The following DGKB variants were observed in gnomAD, a reference collection of about 807,000 sequenced individuals.
The protein encoded by DGKB is diacylglycerol kinase beta, also known as 90 kDa diacylglycerol kinase.
DGKB carries 67 observed loss-of-function variants against 114.3 expected under a neutral mutation model. The observed-to-expected ratio is 0.59, with a 90% CI of 0.48 to 0.72. The LOEUF (loss-of-function observed/expected upper bound fraction) is 0.72. Among genes scored for constraint, DGKB ranks in the 30% least tolerant of loss-of-function variants. The pLI is 0.00. For synonymous variants in DGKB, 398 were observed against 323.1 expected, an observed-to-expected ratio of 1.23 and a Z score of -2.49; for missense variants, 907 against 975.2, an observed-to-expected ratio of 0.93 and a Z score of 0.93.
At chr7:14,672,383 T>C (rs911335562) in intron 13 of DGKB, among the ~76,000 whole-genome samples, 1 of 152,160 alleles carries the variant, frequency 6.6e-6, no homozygotes, top group African/African-American at 2.4e-5. Flanking sequence ...ACTTTACTCA[T>C]GCATTTTCAT....
chr7:14,813,353 T>G (rs540960088), intron 2 of DGKB, among the ~76,000 whole-genome samples: 1 of 152,318 alleles, frequency 6.6e-6, no homozygotes, highest in South Asian at 2.1e-4. Flanking sequence ...AGGATTGCTC[T>G]TGGGAATGTC....
chr7:14,747,772 C>CGT (rs1262259688), intron 4 of DGKB, among the ~76,000 whole-genome samples: 4 of 98,058 alleles, frequency 4.1e-5, no homozygotes, highest in South Asian at 3.3e-4. Flanking sequence ...AACACATCCA[C>CGT]GCGCACGCAC....
At chr7:14,451,099 C>A (rs930825326) in intron 21 of DGKB, among the ~76,000 whole-genome samples, 3 of 151,894 alleles carry the variant, frequency 2.0e-5, no homozygotes, top group African/African-American at 7.3e-5. Context: ...CAGAATCTTC[C>A]CCTATTGTGA....
intron 23 of DGKB, among the ~76,000 whole-genome samples, chr7:14,279,371 G>A (rs1584900698): frequency 6.6e-6 from 1 of 152,102 alleles, no homozygotes. Flanking sequence ...CAACTGGGTG[G>A]AGCCCACCAC....
rs549631337 is a variant in DGKB at position 14,902,709 on chromosome 7, A to C, written c.-305T>G. On this transcript the variant is annotated 5_prime_UTR_variant, in exon 1 of 26. Transcript: ENST00000402815. ...CCTTTCCAATTCACACGCTCCCGGC[A>C]CAGTAAGAAGGCTCCCACACAGCTC... 1.3e-5 allele frequency: 2 copies of C among 152,328 alleles called. No individual in the cohort carries two copies. Among genetic ancestry groups the C allele is most frequent in the African/African-American group, 4.8e-5 (2 of 41,546 alleles). The allele number at this position is 152,328 out of a possible 1,614,324, so 9.4% of individuals were successfully genotyped here. A position where few individuals can be genotyped will look rare whatever the true frequency, so the allele number is the denominator to read the frequency against.
chr7:14,851,741 G>T (rs1849378145), intron 1 of DGKB, among the ~76,000 whole-genome samples: 1 of 152,132 alleles, frequency 6.6e-6, no homozygotes, highest in Non-Finnish European at 1.5e-5. Flanking sequence ...GTTCTTGGAA[G>T]CTTGCCAACA....
chr7:14,370,794 G>A (rs1429079566), intron 21 of DGKB, among the ~76,000 whole-genome samples: 1 of 152,112 alleles, frequency 6.6e-6, no homozygotes, highest in African/African-American at 2.4e-5. Context: ...GTACTCAATA[G>A]TTTTTCAACT....
chr7:14,201,624 C>T (rs1255176114), intron 23 of DGKB, among the ~76,000 whole-genome samples: 1 of 151,742 alleles, frequency 6.6e-6, no homozygotes, highest in Admixed American at 6.6e-5. Flanking sequence ...GATGCAAAAT[C>T]CTGGGGGAAA....
chr7:14,460,422 A>C (rs1455418293), intron 21 of DGKB, among the ~76,000 whole-genome samples: 1 of 150,672 alleles, frequency 6.6e-6, no homozygotes, highest in Non-Finnish European at 1.5e-5. Flanking sequence ...AGCAAATGGA[A>C]AGCAAAGAAA....
At chr7:14,442,423 A>G (rs1269553348) in intron 21 of DGKB, among the ~76,000 whole-genome samples, 1 of 151,942 alleles carries the variant, frequency 6.6e-6, no homozygotes, top group African/African-American at 2.4e-5. Flanking sequence ...TATTGGTAGA[A>G]TATTTGTCTT....
At chr7:14,513,584 A>C (rs904437435) in intron 20 of DGKB, among the ~76,000 whole-genome samples, 2 of 152,038 alleles carry the variant, frequency 1.3e-5, no homozygotes, top group Admixed American at 6.6e-5. Flanking sequence ...ATTAAAACAA[A>C]ATTTTTTAAT....
chr7:14,237,359 T>A (rs1230462857), intron 23 of DGKB, among the ~76,000 whole-genome samples: 2 of 151,894 alleles, frequency 1.3e-5, no homozygotes, highest in African/African-American at 4.8e-5. Context: ...CTTCCTTCTA[T>A]TACTTTTGAC....
intron 5 of DGKB, among the ~76,000 whole-genome samples, chr7:14,722,527 AG>A (rs1008102957): frequency 6.6e-6 from 1 of 152,172 alleles, no homozygotes; most frequent in Non-Finnish European, 1.5e-5. Context: ...TTAATAAAAA[AG>A]CTTGGCCAGG....
In DGKB at chr7:14,649,431, A is replaced by G. The variant is rs564935633; in HGVS notation, c.1135-19163T>C. ...GTGAAGGAGAAATAAAATACTTTAC[A>G]GACAAGCAAATGCTGAGAGATTTTG... On this transcript the variant is annotated intron_variant, in intron 13 of 25. Coordinates refer to ENST00000402815, the MANE Select transcript of DGKB (RefSeq NM_001350709.2). Among the ~76,000 whole-genome samples, 185 of 150,642 alleles carry G rather than the reference A, an allele frequency of 1.2e-3. 2 individuals carry two copies. The South Asian group carries it at 0.018, about 14-fold the overall frequency.
intron 1 of DGKB, among the ~76,000 whole-genome samples, chr7:14,910,286 GAAAGAAAGA>G (rs1272622794): frequency 6.9e-6 from 1 of 145,518 alleles, no homozygotes; most frequent in Non-Finnish European, 1.5e-5. Context: ...AAGAAAGAAA[GAAAGAAAGA>G]AAGAAAGAAA....
rs138031377 is a variant in DGKB, at chr7:14,595,836, G to A, written c.1433+11598C>T. ...TGATTTATTAAGATATGTTTAAATT[G>A]ATGATTTATTAGGAATGTTCCACTT... On this transcript the variant is annotated intron_variant, in intron 17 of 25. Transcript: ENST00000402815. 2.8e-3 allele frequency among the ~76,000 whole-genome samples: 418 copies of A among 151,960 alleles called. 1 individual carries two copies. Among genetic ancestry groups the A allele is most frequent in the Non-Finnish European group, 3.8e-3 (261 of 67,910 alleles).
chr7:14,906,547 G>A (rs964506362), upstream of DGKB, among the ~76,000 whole-genome samples: 13 of 146,160 alleles, frequency 8.9e-5, no homozygotes, highest in South Asian at 2.1e-4. Context: ...TCTGCCTCCC[G>A]GGTTCTAGCG....
At chr7:14,300,913 G>C (rs1345681450) in intron 23 of DGKB, among the ~76,000 whole-genome samples, 1 of 152,068 alleles carries the variant, frequency 6.6e-6, no homozygotes, top group Non-Finnish European at 1.5e-5. Context: ...TGGTTTATCA[G>C]TCAAAGATGA....
At position 14,607,425 on chromosome 7, in the gene DGKB, TG is replaced by T; in HGVS notation, c.1433+8del. On this transcript the variant is annotated splice_region_variant and intron_variant, in intron 17 of 25. Transcript: ENST00000402815. ...GAGTTAATGGTAATAATATTATCCT[TG>T]GACTTACCCTGGCATTGGTCCATTT... 7.0e-7 allele frequency: 1 copy of T among 1,431,404 alleles called. No homozygotes were observed. The highest frequency in any genetic ancestry group is 9.8e-7 in the Non-Finnish European group (1 of 1,017,790). 88.7% of individuals were successfully genotyped at this position (1,431,404 alleles called of 1,614,324 possible).
Sources: gnomAD v4.1 joint callset for allele counts (sites outside exome capture counted in the v4.1 genomes callset) on GRCh38, gnomAD v4.1.1 for gene constraint, MANE v1.5 for transcripts, NCBI Gene and HGNC (gene_info 2026-07-23, HGNC 2026-07-21) for gene names.